The following BBS12 variants were observed in gnomAD, a reference collection of about 807,000 sequenced individuals.
The protein encoded by BBS12 is chaperonin-containing T-complex member BBS12.
In BBS12, 5 loss-of-function variants were observed where a neutral mutation model predicts 5.6. The observed-to-expected ratio is 0.89, with a 90% CI of 0.46 to 1.86. The LOEUF is 1.86. Among genes scored for constraint, BBS12 ranks in the 40% most tolerant of loss-of-function variants. BBS12 has a pLI of 0.01. For missense variants in BBS12, 748 were observed against 830.4 expected, an observed-to-expected ratio of 0.90 and a Z score of 1.22; for synonymous variants, 308 against 306.8, an observed-to-expected ratio of 1.00 and a Z score of -0.04.
At chr4:122,731,906 T>C (rs1301522527), upstream of BBS12, 1 of 152,212 alleles carries the variant, frequency 6.6e-6, no homozygotes, top group Non-Finnish European at 1.5e-5. Context: ...CTTAACAAGA[T>C]ATCGTTTTGC....
At chr4:122,724,973 A>AT in the BBS12 span, among the ~76,000 whole-genome samples, 170 of 151,824 alleles carry the variant, frequency 1.1e-3, 1 homozygote, top group African/African-American at 4.0e-3. Flanking sequence ...CAATGCCATG[A>AT]TTTTTTTTTA....
intron 1 of BBS12, among the ~76,000 whole-genome samples, chr4:122,738,162 GTAAAT>G (rs1202732507): frequency 2.0e-5 from 3 of 152,144 alleles, no homozygotes; most frequent in African/African-American, 7.2e-5. Context: ...AAAAAAATAG[GTAAAT>G]TAGATTTCAT....
Position 122,744,520 on chromosome 4 carries a change from A to G in BBS12, c.*495A>G, listed in dbSNP as rs962342663. On this transcript the variant is annotated 3_prime_UTR_variant, in exon 2 of 2. Coordinates refer to ENST00000314218, the MANE Select transcript of BBS12 (RefSeq NM_152618.3). ...CACAAGCCTAGGACATGGACTAGGT[A>G]AAGACAAAGTCCTTGCATTCTTGAC... 1.7e-4 allele frequency: 29 copies of G among 171,478 alleles called. No individual in the cohort carries two copies. The highest frequency in any genetic ancestry group is 6.3e-4 in the African/African-American group (26 of 41,482). 10.6% of individuals were successfully genotyped at this position (171,478 alleles called of 1,614,324 possible).
At chr4:122,733,859 C>CTTTTTTTTTTTTTT (rs35729794) in intron 1 of BBS12, 5 of 97,130 alleles carry the variant, frequency 5.1e-5, no homozygotes, top group Non-Finnish European at 8.0e-5. Flanking sequence ...TAACTTTAGT[C>CTTTTTTTTTTTTTT]TTTTTTTTTT....
chr4:122,718,593 T>C, the BBS12 span, among the ~76,000 whole-genome samples: 1 of 151,970 alleles, frequency 6.6e-6, no homozygotes, highest in Non-Finnish European at 1.5e-5. Context: ...ATTCATAAAA[T>C]AGGGGAATAG....
At chr4:122,702,518 A>C in the BBS12 span, among the ~76,000 whole-genome samples, 6 of 152,208 alleles carry the variant, frequency 3.9e-5, no homozygotes, top group East Asian at 3.8e-4. Flanking sequence ...AGTCTTGGAC[A>C]ATGTCTGCAG....
chr4:122,743,794 T>C lies in BBS12; in HGVS notation c.1902T>C (p.Ser634=), dbSNP rs2150737878. 1 of 1,613,706 alleles carries C rather than the reference T, an allele frequency of 6.2e-7. No individual in the cohort carries two copies. The highest frequency in any genetic ancestry group is 1.3e-5 in the African/African-American group (1 of 75,040). The part of the protein sequence containing the change: ...QNATDSGSPS[S]YILNEYSKLN... ...CCACAGACTCTGGCTCTCCTTCATC[T>C]TACATCTTGAATGAATATAGTAAAC... Residue 634 remains serine, a synonymous_variant, in exon 2 of 2, where the codon TCT becomes TCC. Coordinates refer to ENST00000314218, the MANE Select transcript of BBS12 (RefSeq NM_152618.3).
chr4:122,707,888 A>G, the BBS12 span, among the ~76,000 whole-genome samples: 1 of 151,782 alleles, frequency 6.6e-6, no homozygotes, highest in African/African-American at 2.4e-5. Flanking sequence ...GGCCAGATAC[A>G]TCACTGCCCC....
the BBS12 span, among the ~76,000 whole-genome samples, chr4:122,711,192 G>A: frequency 1.3e-5 from 2 of 152,128 alleles, no homozygotes; most frequent in Admixed American, 1.3e-4. Context: ...GCATGAGGAG[G>A]AATCACTTTA....
the BBS12 span, among the ~76,000 whole-genome samples, chr4:122,724,482 A>C: frequency 3.9e-5 from 6 of 152,236 alleles, no homozygotes; most frequent in Non-Finnish European, 2.9e-5. Context: ...AAAATTCTCC[A>C]ACCCTTCTTA....
chr4:122,722,094 A>G, the BBS12 span, among the ~76,000 whole-genome samples: 2 of 152,044 alleles, frequency 1.3e-5, no homozygotes, highest in Non-Finnish European at 2.9e-5. Flanking sequence ...ATCCTCTAGA[A>G]TTGATTTTTA....
chr4:122,713,266 TTA>T, the BBS12 span, among the ~76,000 whole-genome samples: 2 of 152,224 alleles, frequency 1.3e-5, no homozygotes, highest in African/African-American at 2.4e-5. Flanking sequence ...TGTCATGTTT[TTA>T]TATGTTTCTC....
At chr4:122,708,589 G>GTAAAATTTTTTTAAATGTCTTC in the BBS12 span, among the ~76,000 whole-genome samples, 7,992 of 151,774 alleles carry the variant, frequency 0.053, 476 homozygotes, top group African/African-American at 0.15. Context: ...ATAAATCATA[G>GTAAAATTTTTTTAAATGTCTTC]TAAAATTTTT....
chr4:122,701,249 T>C, the BBS12 span, among the ~76,000 whole-genome samples: 2 of 152,198 alleles, frequency 1.3e-5, no homozygotes, highest in African/African-American at 2.4e-5. Flanking sequence ...GGTAGCATTA[T>C]GGAGGATTTC....
chr4:122,719,215 T>G, the BBS12 span, among the ~76,000 whole-genome samples: 1 of 152,064 alleles, frequency 6.6e-6, no homozygotes. Flanking sequence ...AGCTAAAAAA[T>G]TGTAAACGCA....
the BBS12 span, among the ~76,000 whole-genome samples, chr4:122,717,591 G>A: frequency 6.6e-6 from 1 of 152,110 alleles, no homozygotes; most frequent in Non-Finnish European, 1.5e-5. Flanking sequence ...GCGCAGTGGC[G>A]TGATCACGGC....
In BBS12 at chr4:122,742,836, T is replaced by C; in HGVS notation, c.944T>C (p.Ile315Thr). 1 of 1,614,230 alleles carries C rather than the reference T, an allele frequency of 6.2e-7. No homozygotes were observed. ...TKPFMFDISR[I>T]FTCCLPGLPE... ...CCATTTATGTTTGACATTTCAAGAA[T>C]TTTCACTTGCTGTCTACCAGGCTTA... is the stretch of plus-strand genomic sequence containing the variant. The change falls in exon 2 of 2, where the codon ATT becomes ACT. Residue 315 changes from isoleucine (I) to threonine (T), a missense_variant. Ile to Thr is a moderately conservative substitution (Grantham distance 89). Transcript: ENST00000314218.
chr4:122,702,333 G>A, the BBS12 span, among the ~76,000 whole-genome samples: 8 of 152,196 alleles, frequency 5.3e-5, no homozygotes, highest in Non-Finnish European at 1.0e-4. Flanking sequence ...TGCTTCAAGA[G>A]TGGACATGTT....
the BBS12 span, among the ~76,000 whole-genome samples, chr4:122,713,530 C>T: frequency 6.6e-6 from 1 of 152,114 alleles, no homozygotes; most frequent in Non-Finnish European, 1.5e-5. Flanking sequence ...TTCGAAATTA[C>T]ATATTTGGTA....
Sources: gnomAD v4.1 joint callset for allele counts (sites outside exome capture counted in the v4.1 genomes callset) on GRCh38, gnomAD v4.1.1 for gene constraint, MANE v1.5 for transcripts, NCBI Gene and HGNC (gene_info 2026-07-23, HGNC 2026-07-21) for gene names.